LAT2: variants seen among roughly 807,000 people sequenced by gnomAD.
The protein encoded by LAT2 is linker for activation of T-cells family member 2.
A neutral mutation model predicts 43.4 loss-of-function variants in LAT2; 23 were observed. The observed-to-expected ratio is 0.53, with a 90% CI of 0.38 to 0.75. LAT2 has a LOEUF of 0.75. Ranked by LOEUF, LAT2 falls within the 30% of genes least tolerant of loss-of-function variation. LAT2 has a pLI of 0.00. For synonymous variants in LAT2, 128 were observed against 123.2 expected (o/e 1.04, Z -0.26); for missense variants, 284 against 310.2 (o/e 0.92, Z 0.64).
intron 1 of LAT2, among the ~76,000 whole-genome samples, chr7:74,214,061 A>C (rs1447885907): frequency 7.6e-6 from 1 of 132,162 alleles, no homozygotes; most frequent in Non-Finnish European, 1.5e-5. Flanking sequence ...TATATATGAA[A>C]AAATATATAT....
chr7:74,221,742 G>A (rs1275521145), intron 10 of LAT2, 50 bp downstream of exon 10: 9 of 1,527,668 alleles, frequency 5.9e-6, no homozygotes, highest in Non-Finnish European at 8.1e-6. Flanking sequence ...TGGGAGCTCA[G>A]GGCAGAAGCC....
Position 74,220,482 on chromosome 7 carries a change from TCA to T in LAT2, c.266-101_266-100del. The T allele has an allele frequency of 6.7e-7, 1 of 1,489,630 alleles. No homozygotes were observed. The highest frequency in any genetic ancestry group is 9.3e-7 in the Non-Finnish European group (1 of 1,075,752). The allele number at this position is 1,489,630 out of a possible 1,614,324, so 92.3% of individuals were successfully genotyped here. The stretch of plus-strand genomic sequence containing the variant: ...AGGGGACAGGGAGCACTGCAAAGGC[TCA>T]GACACGGGAAATAGCTGGCCCTGCC... On this transcript the variant is annotated intron_variant, in intron 7 of 13. Transcript: ENST00000460943. This position sits in a 1 kb window ranked among gnomAD's most constrained non-coding sequence, Gnocchi z 4.5.
Position 74,224,110 on chromosome 7 carries a change from T to G in LAT2, c.541T>G (p.Ser181Ala). The part of the protein sequence containing the change: ...KTGPTSGLCP[S>A]ASPEEDEESE... ...TGGCCCCACTTCTGGTCTCTGTCCCTCTGCCTCCCCGGAAGAAGATGAGGA... is the reference window on the plus strand; with the variant it reads ...TGGCCCCACTTCTGGTCTCTGTCCCGCTGCCTCCCCGGAAGAAGATGAGGA... Residue 181 changes from serine (S) to alanine (A), a missense_variant, in exon 12 of 14, where the codon TCT becomes GCT. Transcript: ENST00000460943. 1.9e-6 allele frequency: 3 copies of G among 1,614,176 alleles called. No individual in the cohort carries two copies. Among genetic ancestry groups the G allele is most frequent in the Non-Finnish European group, 2.5e-6 (3 of 1,180,014 alleles).
At position 74,215,682 on chromosome 7, in the gene LAT2, G is replaced by A. The variant is rs41272150; in HGVS notation, c.-29-265G>A. On this transcript the variant is annotated intron_variant, in intron 2 of 13. Coordinates refer to ENST00000460943, the MANE Select transcript of LAT2 (RefSeq NM_032464.3). ...TAAGCGAGGCTGTGTGTAGGGCTGT[G>A]TGCGTGCACATGGGGCTGTCTTGTG... Among the ~76,000 whole-genome samples, 504 of 152,320 alleles carry A rather than the reference G, an allele frequency of 3.3e-3. 1 individual carries two copies. The highest frequency in any genetic ancestry group is 5.8e-3 in the Non-Finnish European group (392 of 68,018).
intron 4 of LAT2, among the ~76,000 whole-genome samples, chr7:74,219,382 T>C (rs536558136): frequency 8.5e-5 from 13 of 152,216 alleles, no homozygotes; most frequent in African/African-American, 3.1e-4. Flanking sequence ...CCCCAGAATC[T>C]CAGGGCTACC....
intron 11 of LAT2, 40 bp from the exon 12 acceptor site, chr7:74,223,978 T>C: frequency 5.0e-6 from 8 of 1,598,096 alleles, no homozygotes; most frequent in Non-Finnish European, 6.8e-6. Flanking sequence ...GGTGCCTCTG[T>C]GGGACTGAGC....
In LAT2 at chr7:74,220,090, C is replaced by T; in HGVS notation, c.227+82C>T. ...GGTGAGCCCAGGTCAAGACCTCCCT[C>T]CCTCCCCGAGTCCCAGAGCTCCAGG... On this transcript the variant is annotated intron_variant, in intron 6 of 13. Coordinates refer to ENST00000460943, the MANE Select transcript of LAT2 (RefSeq NM_032464.3). The surrounding 1 kb of genome is among the most constrained non-coding windows in gnomAD (Gnocchi z 4.5). 6.4e-7 allele frequency: 1 copy of T among 1,570,816 alleles called. No homozygotes were observed. Among genetic ancestry groups the T allele is most frequent in the South Asian group, 1.1e-5 (1 of 87,738 alleles).
chr7:74,216,182 T>C, intron 3 of LAT2, 113 bp downstream of exon 3: 2 of 843,444 alleles, frequency 2.4e-6, no homozygotes, highest in Non-Finnish European at 3.6e-6. Flanking sequence ...ATGAACCTCG[T>C]GATGTGACCC....
intron 9 of LAT2, among the ~76,000 whole-genome samples, chr7:74,221,065 G>A (rs1802255494): frequency 6.6e-6 from 1 of 152,080 alleles, no homozygotes; most frequent in Non-Finnish European, 1.5e-5. Context: ...GAATCCCTCG[G>A]GGGTGTTGCA....
At chr7:74,224,617 C>T (rs1237700198) in intron 12 of LAT2, 22 bp from the exon 13 acceptor site, 4 of 1,565,954 alleles carry the variant, frequency 2.6e-6, no homozygotes, top group Admixed American at 3.8e-5. Flanking sequence ...ACTCGATGAC[C>T]TGTCTGCCCG....
chr7:74,215,032 T>C (rs1409427292), intron 2 of LAT2, 22 bp downstream of exon 2: 2 of 151,842 alleles, frequency 1.3e-5, no homozygotes, highest in Non-Finnish European at 2.9e-5. Flanking sequence ...GCGTATGTTT[T>C]GCTGAGGCCT....
intron 1 of LAT2, among the ~76,000 whole-genome samples, chr7:74,210,457 A>G (rs1354130586): frequency 2.0e-5 from 3 of 152,176 alleles, no homozygotes; most frequent in Non-Finnish European, 4.4e-5. Context: ...GGTCAGGGGA[A>G]AACGGTGGGA....
At chr7:74,222,676 C>T (rs1392033191) in intron 10 of LAT2, among the ~76,000 whole-genome samples, 10 of 152,046 alleles carry the variant, frequency 6.6e-5, no homozygotes, top group South Asian at 6.2e-4. Context: ...CGGGTTCAAG[C>T]GATTTTCCTG....
At chr7:74,219,008 G>A (rs1584217963) in intron 4 of LAT2, among the ~76,000 whole-genome samples, 1 of 94,682 alleles carries the variant, frequency 1.1e-5, no homozygotes. Context: ...TAGAGTGTGT[G>A]CTTTTTTTTT....
chr7:74,228,165 TAAAAAAA>T (rs34339569), intron 13 of LAT2, among the ~76,000 whole-genome samples: 3 of 22,380 alleles, frequency 1.3e-4, no homozygotes, highest in Non-Finnish European at 3.3e-4. Context: ...AACTACGTCT[TAAAAAAA>T]AAAAAAAAAA....
chr7:74,223,927 C>G, intron 11 of LAT2, 91 bp from the exon 12 acceptor site: 1 of 1,489,642 alleles, frequency 6.7e-7, no homozygotes, highest in Non-Finnish European at 9.2e-7. Context: ...TTCGGTAGAG[C>G]CTTGCCCCTA....
At chr7:74,217,910 G>C (rs556559550) in intron 4 of LAT2, among the ~76,000 whole-genome samples, 43 of 152,294 alleles carry the variant, frequency 2.8e-4, no homozygotes, top group Admixed American at 1.0e-3. Flanking sequence ...TTTGAAAATA[G>C]AATCTTCCCA....
At chr7:74,223,652 C>A in intron 10 of LAT2, 72 bp from the exon 11 acceptor site, 1 of 1,420,214 alleles carries the variant, frequency 7.0e-7, no homozygotes, top group Non-Finnish European at 9.9e-7. Flanking sequence ...GAAGGCAGGA[C>A]AGAGCGGGAG....
At chr7:74,215,915 G>T in intron 2 of LAT2, 32 bp from the exon 3 acceptor site, 1 of 1,490,316 alleles carries the variant, frequency 6.7e-7, no homozygotes. Context: ...CTGAAAAAGG[G>T]GCCCCTTGCT....
Sources: allele counts gnomAD v4.1 joint callset (sites outside exome capture counted in the v4.1 genomes callset), GRCh38; gene constraint gnomAD v4.1.1; non-coding constraint Gnocchi (gnomAD v3.1); transcripts MANE v1.5; gene names NCBI Gene and HGNC (gene_info 2026-07-23, HGNC 2026-07-21).